Variants in C9 observed in about 807,000 individuals in gnomAD.
C9 encodes the protein complement C9.
In C9, 63 loss-of-function variants were observed where a neutral mutation model predicts 65.4. The ratio of observed to expected loss-of-function variants is 0.96; its 90% CI spans 0.79 to 1.19. C9 has a LOEUF of 1.19. C9 is among the 50% of genes most tolerant of loss of function. The probability of loss-of-function intolerance (pLI) is 0.00; values close to 1 mark genes in which losing one functional copy is unlikely to be tolerated. For missense variants in C9, 744 were observed against 670.1 expected (o/e 1.11, Z -1.22); for synonymous variants, 229 against 227.9 (o/e 1.00, Z -0.04).
chr5:39,325,979 G>C (rs1245456896), intron 5 of C9, among the ~76,000 whole-genome samples: 1 of 152,120 alleles, frequency 6.6e-6, no homozygotes, highest in African/African-American at 2.4e-5. Flanking sequence ...TTCTTTGGTA[G>C]ATTTCCTGCA....
chr5:39,313,034 T>C (rs1171636166), intron 6 of C9, among the ~76,000 whole-genome samples: 1 of 152,160 alleles, frequency 6.6e-6, no homozygotes, highest in Admixed American at 6.6e-5. Flanking sequence ...GGGAGGTATA[T>C]CTTGGGATTT....
chr5:39,324,874 T>A (rs183832815), intron 5 of C9, among the ~76,000 whole-genome samples: 1 of 152,026 alleles, frequency 6.6e-6, no homozygotes, highest in Non-Finnish European at 1.5e-5. Flanking sequence ...AGAAGCTAGA[T>A]TCAGAGAGAG....
chr5:39,334,029 G>A lies in C9; in HGVS notation c.477-2215C>T, dbSNP rs531631450. Among the ~76,000 whole-genome samples, 79 of 152,058 alleles carry A rather than the reference G, an allele frequency of 5.2e-4. 1 individual carries two copies. The East Asian group carries it at 0.014, about 26-fold the overall frequency. Reference sequence around the variant, plus strand: ...CCGAGATTGCAGCCTCTGCCCGGCCGCCACCCCGTCTGGGAAGTGAGGAGC... The same window carrying A: ...CCGAGATTGCAGCCTCTGCCCGGCCACCACCCCGTCTGGGAAGTGAGGAGC... On this transcript the variant is annotated intron_variant, in intron 4 of 10. Transcript: ENST00000263408.
chr5:39,345,084 T>C (rs13188141), intron 1 of C9, among the ~76,000 whole-genome samples: 43,119 of 151,238 alleles, frequency 0.29, 7,005 homozygotes, highest in Non-Finnish European at 0.36. Flanking sequence ...ATTGTAAAGA[T>C]CATCAATGCC....
chr5:39,341,530 A>G, intron 3 of C9, 26 bp downstream of exon 3: 3 of 1,612,448 alleles, frequency 1.9e-6, no homozygotes, highest in Non-Finnish European at 2.5e-6. Flanking sequence ...GAAAGCCACA[A>G]TGAGCAATTC....
intron 10 of C9, among the ~76,000 whole-genome samples, chr5:39,285,645 A>G (rs1752978844): frequency 6.6e-6 from 1 of 151,930 alleles, no homozygotes; most frequent in Non-Finnish European, 1.5e-5. Flanking sequence ...GGCAGGATCT[A>G]CCATGGCTGC....
In C9 at chr5:39,311,194, G is replaced by A. The variant is rs1201266470; in HGVS notation, c.1054C>T (p.Leu352=). The change falls in exon 7 of 11, where the codon CTA becomes TTA. Residue 352 remains leucine, a synonymous_variant. Coordinates refer to ENST00000263408, the MANE Select transcript of C9 (RefSeq NM_001737.5). The stretch of plus-strand genomic sequence containing the variant: ...TATATTAGTTCATAGAGTCCTCCTA[G>A]AGACCCAGAGCTACTGTAGTGAGTT... ...YGTHYSSSGS[L]GGLYELIYVL... is the part of the protein sequence containing the mutation. 2 of 1,613,104 alleles carry A rather than the reference G, an allele frequency of 1.2e-6. No individual in the cohort carries two copies. Among genetic ancestry groups the A allele is most frequent in the South Asian group, 2.2e-5 (2 of 91,054 alleles).
intron 3 of C9, 93 bp from the exon 4 acceptor site, chr5:39,341,386 A>C: frequency 6.6e-7 from 1 of 1,505,884 alleles, no homozygotes; most frequent in Non-Finnish European, 9.2e-7. Context: ...CCTGGAGGTG[A>C]GGTATCAGAA....
chr5:39,358,764 T>A (rs1450137300), intron 1 of C9, among the ~76,000 whole-genome samples: 1 of 151,694 alleles, frequency 6.6e-6, no homozygotes, highest in East Asian at 1.9e-4. Flanking sequence ...GGCGGGTGGA[T>A]CATGAGGTAA....
Position 39,306,770 on chromosome 5 carries a change from G to A in C9, c.1263C>T (p.Leu421=). ...TTATGAGTGAAACAACATCATCTAT[G>A]AGGTTTTCACTGGTGATGTTTACTG... ...GRAVNITSEN[L]IDDVVSLIRG... is the part of the protein sequence containing the mutation. Residue 421 remains leucine, a synonymous_variant, in exon 9 of 11, where the codon CTC becomes CTT. Transcript: ENST00000263408. The A allele has an allele frequency of 6.2e-7, 1 of 1,612,436 alleles. No individual in the cohort carries two copies. Among genetic ancestry groups the A allele is most frequent in the Non-Finnish European group, 8.5e-7 (1 of 1,178,638 alleles).
intron 5 of C9, among the ~76,000 whole-genome samples, chr5:39,317,948 A>G (rs1015298650): frequency 6.6e-6 from 1 of 151,570 alleles, no homozygotes; most frequent in Non-Finnish European, 1.5e-5. Context: ...CAGTATGGCC[A>G]TTTTCACAAT....
chr5:39,314,143 A>C (rs1235312895), intron 6 of C9, among the ~76,000 whole-genome samples: 1 of 152,058 alleles, frequency 6.6e-6, no homozygotes, highest in Admixed American at 6.6e-5. Context: ...GAGAATGTCA[A>C]TCTTCTATTA....
rs751030525 is a variant in C9 at position 39,316,017 on chromosome 5, T to C, written c.628A>G (p.Lys210Glu). The C allele has an allele frequency of 9.9e-6, 16 of 1,612,312 alleles. No homozygotes were observed. The Admixed American group carries it at 2.7e-4, about 27-fold the overall frequency. The change falls in exon 6 of 11, where the codon AAA becomes GAA. Residue 210 changes from lysine (K) to glutamate (E), a missense_variant. Lys to Glu is a moderately conservative substitution (Grantham distance 56, BLOSUM62 1). Transcript: ENST00000263408. ...ASLIYETKGE[K>E]NFRTEHYEEQ... is the part of the protein sequence containing the mutation. ...TCGTAATGTTCGGTTCTGAAATTTTTCTCGCCTTTGGTCTAAAAGAGAATA... is the reference window on the plus strand; with the variant it reads ...TCGTAATGTTCGGTTCTGAAATTTTCCTCGCCTTTGGTCTAAAAGAGAATA...
At chr5:39,338,220 T>A (rs538215730) in intron 4 of C9, among the ~76,000 whole-genome samples, 8 of 152,342 alleles carry the variant, frequency 5.3e-5, no homozygotes, top group African/African-American at 1.9e-4. Flanking sequence ...GGAGTTTCAT[T>A]TTTTAAGGTT....
intron 4 of C9, among the ~76,000 whole-genome samples, chr5:39,334,797 G>A (rs1458031285): frequency 1.6e-4 from 24 of 151,548 alleles, no homozygotes; most frequent in East Asian, 5.8e-4. Context: ...CTGCCCGGCC[G>A]CCACCCCATC....
rs761604774 is a variant in C9 at position 39,285,155 on chromosome 5, C to G, written c.*44G>C. The G allele has an allele frequency of 6.5e-7, 1 of 1,529,290 alleles. No homozygotes were observed. Among genetic ancestry groups the G allele is most frequent in the Non-Finnish European group, 9.1e-7 (1 of 1,102,818 alleles). 94.7% of individuals were successfully genotyped at this position (1,529,290 alleles called of 1,614,324 possible). On this transcript the variant is annotated 3_prime_UTR_variant, in exon 11 of 11. Coordinates refer to ENST00000263408, the MANE Select transcript of C9 (RefSeq NM_001737.5). ...TCTTCAGGGGTAGGATCTGAAGGTACTAGTGTTTTCTTCTTCCACTGGAGC... is the reference window on the plus strand; with the variant it reads ...TCTTCAGGGGTAGGATCTGAAGGTAGTAGTGTTTTCTTCTTCCACTGGAGC...
intron 9 of C9, among the ~76,000 whole-genome samples, chr5:39,299,061 T>G (rs979232511): frequency 1.3e-5 from 2 of 151,948 alleles, no homozygotes; most frequent in African/African-American, 4.8e-5. Context: ...AGATAATCTA[T>G]GTAAAACCTA....
In C9 at chr5:39,352,292, C is replaced by A. The variant is rs146191548; in HGVS notation, c.78-10096G>T. ...TTGACATGAGATTTGGGTAGGGACA[C>A]AGAGCCAAACCATATCAGACACCCA... On this transcript the variant is annotated intron_variant, in intron 1 of 10. Transcript: ENST00000263408. 2.0e-5 allele frequency among the ~76,000 whole-genome samples: 3 copies of A among 152,344 alleles called. No homozygotes were observed. The East Asian group carries it at 5.8e-4, about 29-fold the overall frequency.
chr5:39,324,439 A>G (rs16868599), intron 5 of C9, among the ~76,000 whole-genome samples: 4,493 of 152,286 alleles, frequency 0.03, 207 homozygotes, highest in African/African-American at 0.1. Flanking sequence ...CTGCACTTGT[A>G]TGTGAAATGA....
Sources: gnomAD v4.1 joint callset for allele counts (sites outside exome capture counted in the v4.1 genomes callset) on GRCh38, gnomAD v4.1.1 for gene constraint, MANE v1.5 for transcripts, NCBI Gene and HGNC (gene_info 2026-07-23, HGNC 2026-07-21) for gene names.